Variants in BMAL2 observed in about 807,000 individuals in gnomAD.
The protein encoded by BMAL2 is basic helix-loop-helix ARNT-like protein 2.
At chr12:27,422,305 A>G in the BMAL2 span, 3 of 152,162 alleles carry the variant, frequency 2.0e-5, no homozygotes, top group Admixed American at 6.5e-5. Flanking sequence ...TTCCTGTTCT[A>G]TATGGTGCTA....
the BMAL2 span, among the ~76,000 whole-genome samples, chr12:27,410,011 C>T: frequency 2.6e-5 from 4 of 152,126 alleles, no homozygotes; most frequent in South Asian, 8.3e-4. Flanking sequence ...TCATCACTGG[C>T]CATCAGACAA....
chr12:27,393,416 A>G, the BMAL2 span, among the ~76,000 whole-genome samples: 1 of 152,222 alleles, frequency 6.6e-6, no homozygotes, highest in Admixed American at 6.5e-5. Context: ...GTGCATTTCT[A>G]GCAAGCTCCC....
the BMAL2 span, among the ~76,000 whole-genome samples, chr12:27,383,371 A>G: frequency 1.3e-5 from 2 of 152,100 alleles, no homozygotes; most frequent in African/African-American, 4.8e-5. Flanking sequence ...CCCAATGAAC[A>G]TTGTGAAAAA....
At chr12:27,374,726 G>C in the BMAL2 span, among the ~76,000 whole-genome samples, 1 of 152,176 alleles carries the variant, frequency 6.6e-6, no homozygotes, top group Non-Finnish European at 1.5e-5. Context: ...AAATGGCCAG[G>C]TATGGTGGAA....
At chr12:27,358,397 T>A in the BMAL2 span, among the ~76,000 whole-genome samples, 478 of 152,284 alleles carry the variant, frequency 3.1e-3, 8 homozygotes, top group Middle Eastern at 0.048. Flanking sequence ...AAATAATAGA[T>A]GTTGGCAGGG....
the BMAL2 span, among the ~76,000 whole-genome samples, chr12:27,356,754 G>A: frequency 6.6e-6 from 1 of 151,976 alleles, no homozygotes; most frequent in Non-Finnish European, 1.5e-5. Flanking sequence ...CATTACGTAA[G>A]CATTTATTTT....
chr12:27,385,395 C>CCAG, the BMAL2 span: 6 of 737,234 alleles, frequency 8.1e-6, no homozygotes, highest in Non-Finnish European at 1.4e-5. Context: ...AGAGCAAATA[C>CCAG]CAGCAGCAGC....
At chr12:27,401,366 A>G in the BMAL2 span, 5 of 1,608,108 alleles carry the variant, frequency 3.1e-6, no homozygotes, top group Non-Finnish European at 4.3e-6. Flanking sequence ...CAAAGCAGGT[A>G]GGTATGCATT....
At chr12:27,358,025 A>G in the BMAL2 span, among the ~76,000 whole-genome samples, 2 of 151,680 alleles carry the variant, frequency 1.3e-5, no homozygotes, top group East Asian at 1.9e-4. Context: ...TTTATTTTTT[A>G]TATTTATTTA....
the BMAL2 span, among the ~76,000 whole-genome samples, chr12:27,346,368 C>G: frequency 6.6e-6 from 1 of 152,184 alleles, no homozygotes; most frequent in African/African-American, 2.4e-5. Context: ...TCAAGCGATT[C>G]TCCTGTGTCA....
chr12:27,380,190 G>T, the BMAL2 span: 1 of 1,556,728 alleles, frequency 6.4e-7, no homozygotes, highest in South Asian at 1.2e-5. Flanking sequence ...AGCAACACGG[G>T]GGTGACTGGG....
chr12:27,360,748 C>T, the BMAL2 span, among the ~76,000 whole-genome samples: 180 of 116,084 alleles, frequency 1.6e-3, 4 homozygotes, highest in Admixed American at 0.019. Context: ...ATGTGGTTTG[C>T]GGGAAATTTC....
At chr12:27,387,330 AATG>A in the BMAL2 span, 1 of 1,537,040 alleles carries the variant, frequency 6.5e-7, no homozygotes, top group Non-Finnish European at 9.0e-7. Flanking sequence ...GGTATCCAAA[AATG>A]AGGATATTTT....
the BMAL2 span, chr12:27,389,313 G>A: frequency 1.2e-5 from 18 of 1,482,828 alleles, no homozygotes; most frequent in African/African-American, 4.2e-5. Context: ...GTCCATTTCC[G>A]CATGCTTATT....
At chr12:27,400,867 CT>C in the BMAL2 span, 2 of 1,098,854 alleles carry the variant, frequency 1.8e-6, no homozygotes, top group Non-Finnish European at 2.5e-6. Context: ...TTTTCTTTTT[CT>C]TTTTTCTGTT....
At chr12:27,388,837 G>A in the BMAL2 span, among the ~76,000 whole-genome samples, 11 of 152,140 alleles carry the variant, frequency 7.2e-5, no homozygotes, top group African/African-American at 2.7e-4. Context: ...ATACTATGAT[G>A]TAATCTCTTT....
the BMAL2 span, among the ~76,000 whole-genome samples, chr12:27,359,203 AG>A: frequency 2.0e-5 from 3 of 152,220 alleles, no homozygotes; most frequent in African/African-American, 7.2e-5. Context: ...AATGGTAGAA[AG>A]TACGCCTCCT....
the BMAL2 span, chr12:27,376,458 C>A: frequency 1.5e-6 from 2 of 1,373,020 alleles, no homozygotes; most frequent in Non-Finnish European, 2.1e-6. Flanking sequence ...TAGCCTAAGG[C>A]AAAGGTGACA....
the BMAL2 span, among the ~76,000 whole-genome samples, chr12:27,413,865 A>G: frequency 6.6e-6 from 1 of 152,186 alleles, no homozygotes; most frequent in Non-Finnish European, 1.5e-5. Flanking sequence ...GTTAGACAGA[A>G]TAGATGTTAA....
Sources: gnomAD v4.1 joint callset for allele counts (sites outside exome capture counted in the v4.1 genomes callset) on GRCh38, gnomAD v4.1.1 for gene constraint, MANE v1.5 for transcripts, NCBI Gene and HGNC (gene_info 2026-07-23, HGNC 2026-07-21) for gene names.